Variants in TTC3 observed in about 807,000 individuals in gnomAD.
TTC3 encodes E3 ubiquitin-protein ligase TTC3.
A neutral mutation model predicts 249.6 loss-of-function variants in TTC3; 180 were observed. That is an observed-to-expected ratio of 0.72 (90% CI 0.64 to 0.82). The LOEUF is 0.82. Among genes scored for constraint, TTC3 ranks in the 40% least tolerant of loss-of-function variants. The pLI is 0.00. For synonymous variants in TTC3, 717 were observed against 805.0 expected (o/e 0.89, Z 1.85); for missense variants, 2,061 against 2,398.4 (o/e 0.86, Z 2.94).
At chr21:37,159,451 T>C (rs1353873217) in intron 28 of TTC3, 2 of 473,254 alleles carry the variant, frequency 4.2e-6, no homozygotes, top group Non-Finnish European at 7.4e-6. Flanking sequence ...AGGACTAGCA[T>C]AGATGGTACC....
chr21:37,091,559 C>CTTT (rs920854408), intron 7 of TTC3, 146 bp downstream of exon 7: 10 of 260,848 alleles, frequency 3.8e-5, no homozygotes, highest in African/African-American at 2.7e-4. Flanking sequence ...AAGAGAATTT[C>CTTT]TTTTTTTTAT....
intron 29 of TTC3, among the ~76,000 whole-genome samples, 178 bp from the exon 30 acceptor site, chr21:37,160,620 TTTTG>T (rs1168992642): frequency 1.3e-5 from 2 of 151,742 alleles, no homozygotes; most frequent in African/African-American, 2.4e-5. Flanking sequence ...TATTATTAAA[TTTTG>T]TTTGTTTTCT....
rs573515417 is a variant in TTC3, at chr21:37,108,117, A to G, written c.846-275A>G. On this transcript the variant is annotated intron_variant, in intron 10 of 45. Coordinates refer to ENST00000355666, the Ensembl canonical transcript of TTC3. ...ACAAAAGAATGCTATGCATAGGTAC[A>G]ATGTCGAAATGTGCAAGAAATACTT... The G allele has an allele frequency of 9.9e-4, 282 of 285,580 alleles. 2 individuals are homozygous for G. Among genetic ancestry groups the G allele is most frequent in the African/African-American group, 5.2e-3 (234 of 44,948 alleles). 17.7% of individuals were successfully genotyped at this position (285,580 alleles called of 1,614,324 possible).
exon 25 of TTC3, chr21:37,150,863 T>G: frequency 6.2e-7 from 1 of 1,610,360 alleles, no homozygotes; most frequent in Non-Finnish European, 8.5e-7. Flanking sequence ...CCAAGACCTA[T>G]TCTGAAACAG....
chr21:37,137,984 TAACA>T (rs1569023022), intron 18 of TTC3, among the ~76,000 whole-genome samples: 1 of 152,168 alleles, frequency 6.6e-6, no homozygotes, highest in African/African-American at 2.4e-5. Flanking sequence ...TATACCTGTG[TAACA>T]AACCTGCACG....
At chr21:37,153,299 A>G (rs2079659146) in intron 27 of TTC3, 22 bp downstream of exon 27, 2 of 1,580,162 alleles carry the variant, frequency 1.3e-6, no homozygotes, top group Non-Finnish European at 1.7e-6. Flanking sequence ...TATATTCCAG[A>G]GCAATAAACT....
rs570832139 is a variant in TTC3 at position 37,130,920 on chromosome 21, G to C, written c.1359-1762G>C. Among the ~76,000 whole-genome samples, 4 of 152,262 alleles carry C rather than the reference G, an allele frequency of 2.6e-5. No homozygotes were observed. In the South Asian group the frequency reaches 8.3e-4, roughly 32 times the overall value. ...TAAATAATGTATAGAAGTTGTTTCT[G>C]TAGTGGGATTGCTGTATCAAAGGGG... On this transcript the variant is annotated intron_variant, in intron 16 of 45. Coordinates refer to ENST00000355666, the Ensembl canonical transcript of TTC3.
chr21:37,106,723 A>G (rs191814997), intron 10 of TTC3, among the ~76,000 whole-genome samples: 7 of 152,280 alleles, frequency 4.6e-5, no homozygotes, highest in Admixed American at 2.6e-4. Flanking sequence ...TGTCTCTACA[A>G]AAAAATTCAA....
At chr21:37,168,130 G>C (rs1316535424) in intron 34 of TTC3, among the ~76,000 whole-genome samples, 1 of 152,072 alleles carries the variant, frequency 6.6e-6, no homozygotes, top group African/African-American at 2.4e-5. Context: ...TGCTGTAAAG[G>C]TATTGGATAA....
At chr21:37,080,620 G>T (rs532318082) in intron 1 of TTC3, among the ~76,000 whole-genome samples, 1 of 152,068 alleles carries the variant, frequency 6.6e-6, no homozygotes, top group East Asian at 1.9e-4. Context: ...AACAATTTTT[G>T]TTCTTCTGTA....
chr21:37,143,906 A>T (rs11911260), intron 20 of TTC3, among the ~76,000 whole-genome samples: 64,750 of 111,366 alleles, frequency 0.58, 21,602 homozygotes, highest in African/African-American at 0.84. Flanking sequence ...TGGAATACTA[A>T]GCAGCCATAA....
chr21:37,075,148 A>G (rs1284760807), intron 1 of TTC3, among the ~76,000 whole-genome samples: 2 of 142,238 alleles, frequency 1.4e-5, no homozygotes, highest in African/African-American at 5.1e-5. Context: ...TAAAATATAC[A>G]TGCCTTTTTG....
At chr21:37,200,513 G>T (rs771930606) in intron 45 of TTC3, among the ~76,000 whole-genome samples, 189 bp downstream of exon 45, 1 of 152,186 alleles carries the variant, frequency 6.6e-6, no homozygotes, top group Non-Finnish European at 1.5e-5. Context: ...GGCAGCTCTG[G>T]AGACCGTCCT....
chr21:37,157,285 G>A, intron 28 of TTC3: 1 of 930,112 alleles, frequency 1.1e-6, no homozygotes, highest in Non-Finnish European at 1.5e-6. Flanking sequence ...GCAGAATCTA[G>A]AATGGATAGC....
intron 41 of TTC3, 86 bp from the exon 42 acceptor site, chr21:37,195,589 G>T: frequency 1.3e-6 from 2 of 1,509,488 alleles, no homozygotes; most frequent in East Asian, 4.6e-5. Flanking sequence ...CTGCGTTACT[G>T]TATTTATTCA....
At chr21:37,201,641 G>A in exon 46 of TTC3, 3 of 1,566,158 alleles carry the variant, frequency 1.9e-6, no homozygotes, top group South Asian at 1.2e-5. Context: ...TCTACCACTG[G>A]TGTAAAAAAC....
chr21:37,122,372 C>T (rs1415332806), intron 12 of TTC3, among the ~76,000 whole-genome samples: 13 of 146,912 alleles, frequency 8.8e-5, no homozygotes, highest in South Asian at 2.1e-4. Context: ...TTGATGTTTC[C>T]GCACCATTTG....
At chr21:37,140,707 C>G (rs2078364898) in intron 20 of TTC3, 34 bp downstream of exon 20, 6 of 1,429,018 alleles carry the variant, frequency 4.2e-6, no homozygotes, top group Non-Finnish European at 5.7e-6. Context: ...AAGCTCTAGG[C>G]TGGTAACTCA....
chr21:37,143,364 A>G (rs1003150793), intron 20 of TTC3, among the ~76,000 whole-genome samples: 6 of 152,192 alleles, frequency 3.9e-5, no homozygotes, highest in African/African-American at 1.4e-4. Context: ...AAGGGCTAAT[A>G]TCCAGAATCT....
Sources: allele counts gnomAD v4.1 joint callset (sites outside exome capture counted in the v4.1 genomes callset), GRCh38; gene constraint gnomAD v4.1.1; transcripts MANE v1.5; gene names NCBI Gene and HGNC (gene_info 2026-07-23, HGNC 2026-07-21).